The following STXBP5L variants were observed in gnomAD, a reference collection of about 807,000 sequenced individuals.
STXBP5L encodes the protein syntaxin-binding protein 5-like.
STXBP5L carries 65 observed loss-of-function variants against 144.5 expected under a neutral mutation model. The ratio of observed to expected loss-of-function variants is 0.45; its 90% CI spans 0.37 to 0.55. STXBP5L has a LOEUF of 0.55. STXBP5L is among the 20% of genes least tolerant of loss of function. The pLI is 0.00. For missense variants in STXBP5L, 1,298 were observed against 1,405.5 expected, an observed-to-expected ratio of 0.92 and a Z score of 1.22; for synonymous variants, 505 against 469.6, an observed-to-expected ratio of 1.08 and a Z score of -0.97.
intron 19 of STXBP5L, among the ~76,000 whole-genome samples, chr3:121,303,598 A>G (rs1445134578): frequency 6.6e-6 from 1 of 152,336 alleles, no homozygotes; most frequent in East Asian, 1.9e-4. Context: ...CTGCAGCACT[A>G]TTCACAATAG....
intron 2 of STXBP5L, among the ~76,000 whole-genome samples, chr3:120,950,753 C>T (rs1711166761): frequency 6.6e-6 from 1 of 152,036 alleles, no homozygotes; most frequent in Non-Finnish European, 1.5e-5. Flanking sequence ...AGATTCAATG[C>T]CATCCCCATC....
chr3:120,963,092 A>G (rs890940155), intron 3 of STXBP5L, among the ~76,000 whole-genome samples: 3 of 152,186 alleles, frequency 2.0e-5, no homozygotes, highest in Non-Finnish European at 4.4e-5. Flanking sequence ...TTAATGGTGT[A>G]TAAGAATGCT....
intron 22 of STXBP5L, among the ~76,000 whole-genome samples, chr3:121,386,754 G>T (rs371846439): frequency 2.6e-5 from 4 of 152,096 alleles, no homozygotes; most frequent in African/African-American, 9.7e-5. Flanking sequence ...TTATGGCTGC[G>T]TAGTATTACA....
At chr3:121,407,890 A>C (rs775217876) in intron 23 of STXBP5L, among the ~76,000 whole-genome samples, 30 of 152,028 alleles carry the variant, frequency 2.0e-4, no homozygotes, top group African/African-American at 7.2e-5. Flanking sequence ...TCATTCAACA[A>C]ATATTTATTG....
chr3:121,050,055 G>C (rs985390447), intron 5 of STXBP5L, among the ~76,000 whole-genome samples: 1 of 152,060 alleles, frequency 6.6e-6, no homozygotes, highest in African/African-American at 2.4e-5. Flanking sequence ...CTTCTGGGTG[G>C]GCAATTGTCC....
At chr3:120,977,896 T>G (rs1377159861) in intron 3 of STXBP5L, among the ~76,000 whole-genome samples, 2 of 152,230 alleles carry the variant, frequency 1.3e-5, no homozygotes, top group East Asian at 1.9e-4. Flanking sequence ...GGCTTGCAGA[T>G]TTTCTGCCAA....
At chr3:121,149,072 A>G (rs2045834781) in intron 7 of STXBP5L, among the ~76,000 whole-genome samples, 1 of 152,008 alleles carries the variant, frequency 6.6e-6, no homozygotes, top group Non-Finnish European at 1.5e-5. Context: ...GGGAATATTA[A>G]CTAGGTAAGA....
chr3:121,389,597 T>A (rs928214692), intron 22 of STXBP5L, among the ~76,000 whole-genome samples: 1 of 152,236 alleles, frequency 6.6e-6, no homozygotes, highest in African/African-American at 2.4e-5. Context: ...TTTGTTCTCA[T>A]TGGTTTCAAA....
At chr3:121,250,594 T>C in intron 14 of STXBP5L, 129 bp from the exon 15 acceptor site, 1 of 713,038 alleles carries the variant, frequency 1.4e-6, no homozygotes, top group Non-Finnish European at 2.4e-6. Context: ...TTAGCATACA[T>C]TAGTTTTCAT....
At chr3:120,915,575 GAC>G (rs1363043800) in intron 2 of STXBP5L, among the ~76,000 whole-genome samples, 1 of 151,982 alleles carries the variant, frequency 6.6e-6, no homozygotes, top group Non-Finnish European at 1.5e-5. Context: ...TGTTTATAGT[GAC>G]AGTTATTTTC....
At chr3:121,212,051 A>T (rs2048595419) in intron 10 of STXBP5L, among the ~76,000 whole-genome samples, 1 of 152,160 alleles carries the variant, frequency 6.6e-6, no homozygotes, top group East Asian at 1.9e-4. Flanking sequence ...GCCAACTTTT[A>T]GATGAGGTTG....
Position 121,424,231 on chromosome 3 carries a change from T to G in STXBP5L, c.*5134T>G, listed in dbSNP as rs1053087828. On this transcript the variant is annotated 3_prime_UTR_variant, in exon 27 of 27. Coordinates refer to ENST00000471454, the MANE Select transcript of STXBP5L (RefSeq NM_001308330.2). ...AAAAGGAAGAACAAATCTTCCTTTT[T>G]GATTGTTATCTCAATCAAAAGCTCC... 5.9e-5 allele frequency: 9 copies of G among 152,228 alleles called. No homozygotes were observed. The highest frequency in any genetic ancestry group is 1.9e-4 in the African/African-American group (8 of 41,452). 9.4% of individuals were successfully genotyped at this position (152,228 alleles called of 1,614,324 possible). A position where few individuals can be genotyped will look rare whatever the true frequency, so the allele number is the denominator to read the frequency against.
rs1000103002 is a variant in STXBP5L, at chr3:121,225,272, T to C, written c.1111+2115T>C. 4.6e-5 allele frequency among the ~76,000 whole-genome samples: 7 copies of C among 152,110 alleles called. No homozygotes were observed. The East Asian group carries it at 1.4e-3, about 30-fold the overall frequency. On this transcript the variant is annotated intron_variant, in intron 11 of 26. Coordinates refer to ENST00000471454, the MANE Select transcript of STXBP5L (RefSeq NM_001308330.2). Reference sequence around the variant, plus strand: ...TGAGTACATCCCCAGCTGTAATCTCTGGGATTATCATTGGTGTTGGATTGT... The same window carrying C: ...TGAGTACATCCCCAGCTGTAATCTCCGGGATTATCATTGGTGTTGGATTGT...
chr3:121,181,173 G>A (rs2047136443), intron 9 of STXBP5L, among the ~76,000 whole-genome samples: 1 of 148,912 alleles, frequency 6.7e-6, no homozygotes, highest in African/African-American at 2.5e-5. Context: ...GGGAGGGGAG[G>A]GGAGAGGAGA....
At chr3:121,239,150 G>T (rs2049582054) in intron 13 of STXBP5L, 32 bp downstream of exon 13, 1 of 1,287,466 alleles carries the variant, frequency 7.8e-7, no homozygotes, top group Non-Finnish European at 1.1e-6. Flanking sequence ...AACTTTTTTT[G>T]TATTCATATC....
At chr3:121,191,399 C>T (rs1052788339) in intron 9 of STXBP5L, among the ~76,000 whole-genome samples, 4 of 152,118 alleles carry the variant, frequency 2.6e-5, no homozygotes, top group Non-Finnish European at 5.9e-5. Flanking sequence ...ACCAGTCAGG[C>T]GTGGAGGCGC....
intron 3 of STXBP5L, among the ~76,000 whole-genome samples, chr3:121,041,463 G>T (rs934783603): frequency 1.1e-4 from 16 of 151,960 alleles, no homozygotes; most frequent in Non-Finnish European, 1.5e-4. Flanking sequence ...TAACTTCATG[G>T]AAAAAGCTGC....
intron 22 of STXBP5L, among the ~76,000 whole-genome samples, chr3:121,392,979 T>C (rs4676719): frequency 0.79 from 119,704 of 151,452 alleles, 47,443 homozygotes; most frequent in East Asian, 0.89. Context: ...AAAGATAGTT[T>C]TATTTTTAGT....
At chr3:121,019,642 C>T (rs1299707099) in intron 3 of STXBP5L, among the ~76,000 whole-genome samples, 1 of 152,184 alleles carries the variant, frequency 6.6e-6, no homozygotes, top group Non-Finnish European at 1.5e-5. Context: ...AGCCCAGTAG[C>T]TCCACTAGGT....
Sources: allele counts gnomAD v4.1 joint callset (sites outside exome capture counted in the v4.1 genomes callset), GRCh38; gene constraint gnomAD v4.1.1; transcripts MANE v1.5; gene names NCBI Gene and HGNC (gene_info 2026-07-23, HGNC 2026-07-21).